TMPRSS5: variants seen among roughly 807,000 people sequenced by gnomAD.
The protein encoded by TMPRSS5 is transmembrane serine protease 5, also known as transmembrane protease serine 5.
Under a neutral mutation model 59.7 loss-of-function variants are expected in TMPRSS5, and 45 were observed. The ratio of observed to expected loss-of-function variants is 0.75; its 90% CI spans 0.59 to 0.97. The LOEUF (loss-of-function observed/expected upper bound fraction) is 0.97, where lower values mean the gene tolerates loss of function less well. Among genes scored for constraint, TMPRSS5 ranks in the 50% least tolerant of loss-of-function variants. The pLI is 0.00. For missense variants in TMPRSS5, 585 were observed against 596.7 expected, an observed-to-expected ratio of 0.98 and a Z score of 0.20; for synonymous variants, 225 against 232.0, an observed-to-expected ratio of 0.97 and a Z score of 0.27.
At chr11:113,699,723 T>C in intron 2 of TMPRSS5, 30 bp from the exon 3 acceptor site, 1 of 1,545,790 alleles carries the variant, frequency 6.5e-7, no homozygotes, top group Non-Finnish European at 8.8e-7. Context: ...GGTATCTGGG[T>C]CCCCTGCTCC....
Position 113,693,249 on chromosome 11 carries a change from A to G in TMPRSS5, c.786T>C (p.Ser262=), listed in dbSNP as rs1952836286. The change falls in exon 9 of 13, where the codon AGT becomes AGC. Residue 262 remains serine, a splice_region_variant and synonymous_variant. Transcript: ENST00000299882. ...WVVTAAHCMH[S]FRLARLSSWR... is the part of the protein sequence containing the mutation. ...AGCTGGACAGGCGGGCCAGCCTGAA[A>G]CTGCACACAGGGGCCATGCTGAGCG... is the stretch of plus-strand genomic sequence containing the variant. 1.9e-6 allele frequency: 3 copies of G among 1,558,618 alleles called. No individual in the cohort carries two copies. The highest frequency in any genetic ancestry group is 2.6e-6 in the Non-Finnish European group (3 of 1,150,604).
At chr11:113,695,309 A>C in intron 7 of TMPRSS5, 91 bp downstream of exon 7, 1 of 1,417,512 alleles carries the variant, frequency 7.1e-7, no homozygotes, top group Non-Finnish European at 9.9e-7. Context: ...CAGGCCCAGC[A>C]GAGTCTCACC....
chr11:113,695,023 C>G (rs1305503622), intron 7 of TMPRSS5, among the ~76,000 whole-genome samples: 1 of 151,912 alleles, frequency 6.6e-6, no homozygotes, highest in Non-Finnish European at 1.5e-5. Context: ...CCGTTTGGTA[C>G]CTGATTCACC....
chr11:113,689,775 T>C lies in TMPRSS5; in HGVS notation c.1349A>G (p.Asp450Gly). The C allele has an allele frequency of 6.2e-7, 1 of 1,610,570 alleles. No individual in the cohort carries two copies. The highest frequency in any genetic ancestry group is 8.5e-7 in the Non-Finnish European group (1 of 1,178,680). Residue 450 changes from aspartate (D) to glycine (G), a missense_variant, in exon 12 of 13, where the codon GAC becomes GGC. Asp to Gly is a moderately conservative substitution (Grantham distance 94). Coordinates refer to ENST00000299882, the MANE Select transcript of TMPRSS5 (RefSeq NM_030770.4). ...KVAEFLDWIH[D>G]TAQDSLL is the part of the protein sequence containing the mutation. ...TGCCCCCACACTCACCTGAGCAGTG[T>C]CATGGATCCAGTCCAGAAACTCAGC...
chr11:113,690,776 C>T (rs1952753884), intron 10 of TMPRSS5, 65 bp downstream of exon 10: 8 of 1,446,408 alleles, frequency 5.5e-6, no homozygotes, highest in Middle Eastern at 3.7e-4. Flanking sequence ...GTGGCCTTGC[C>T]TCACCCTGGG....
chr11:113,699,748 A>C, intron 2 of TMPRSS5, 55 bp from the exon 3 acceptor site: 2 of 1,522,564 alleles, frequency 1.3e-6, no homozygotes, highest in Admixed American at 3.9e-5. Flanking sequence ...AGCCTGCCTT[A>C]CTTCACCCTA....
intron 1 of TMPRSS5, among the ~76,000 whole-genome samples, chr11:113,701,956 C>T (rs990426826): frequency 1.3e-5 from 2 of 152,018 alleles, no homozygotes; most frequent in Non-Finnish European, 2.9e-5. Context: ...CTCCCCTTGT[C>T]CCCCACCCCC....
At chr11:113,695,146 G>T (rs1210546685) in intron 7 of TMPRSS5, among the ~76,000 whole-genome samples, 1 of 152,226 alleles carries the variant, frequency 6.6e-6, no homozygotes, top group African/African-American at 2.4e-5. Flanking sequence ...CCAAGGAAGA[G>T]AGTGGCAGGT....
intron 8 of TMPRSS5, 36 bp from the exon 9 acceptor site, chr11:113,693,285 G>A: frequency 2.0e-6 from 3 of 1,480,338 alleles, no homozygotes; most frequent in South Asian, 1.4e-5. Flanking sequence ...GGGAAGGAAG[G>A]GGCAGAAGAG....
At chr11:113,701,489 CG>C (rs57193385) in intron 1 of TMPRSS5, among the ~76,000 whole-genome samples, 37,155 of 145,574 alleles carry the variant, frequency 0.26, 5,082 homozygotes, top group East Asian at 0.43. Flanking sequence ...TTTTTTTTGG[CG>C]GGGGGGGGTG....
chr11:113,701,067 C>A (rs1953117218), intron 1 of TMPRSS5, among the ~76,000 whole-genome samples: 1 of 152,194 alleles, frequency 6.6e-6, no homozygotes, highest in Non-Finnish European at 1.5e-5. Flanking sequence ...GGCCTCCCAG[C>A]CATGAGGAAC....
chr11:113,697,512 G>A, intron 4 of TMPRSS5, 94 bp from the exon 5 acceptor site: 1 of 1,446,608 alleles, frequency 6.9e-7, no homozygotes, highest in Non-Finnish European at 9.4e-7. Flanking sequence ...TACTTGAAGA[G>A]GCCTTAATGA....
At chr11:113,688,496 C>A (rs1046135597) in intron 12 of TMPRSS5, among the ~76,000 whole-genome samples, 3 of 152,200 alleles carry the variant, frequency 2.0e-5, no homozygotes, top group Admixed American at 2.0e-4. Context: ...ACCCCCACCC[C>A]TGCCCAACCT....
At chr11:113,701,499 T>C (rs976853669) in intron 1 of TMPRSS5, among the ~76,000 whole-genome samples, 3 of 126,034 alleles carry the variant, frequency 2.4e-5, no homozygotes, top group African/African-American at 8.8e-5. Context: ...CGGGGGGGGG[T>C]GTTTTGTTCA....
At chr11:113,690,401 G>A (rs1170007142) in intron 10 of TMPRSS5, 28 bp from the exon 11 acceptor site, 2 of 1,594,930 alleles carry the variant, frequency 1.3e-6, no homozygotes, top group South Asian at 2.3e-5. Flanking sequence ...AAAAACTGCA[G>A]GGCACAAAGC....
At chr11:113,694,299 T>C in intron 8 of TMPRSS5, 179 bp downstream of exon 8, 1 of 465,130 alleles carries the variant, frequency 2.1e-6, no homozygotes, top group Non-Finnish European at 3.8e-6. Flanking sequence ...ATATTATTAC[T>C]GTTATTTGTG....
At chr11:113,690,175 T>TCCCCCCCCCCCCC in intron 11 of TMPRSS5, 56 bp downstream of exon 11, 4 of 159,578 alleles carry the variant, frequency 2.5e-5, no homozygotes, top group Non-Finnish European at 4.2e-5. Flanking sequence ...GCAGGCCCCC[T>TCCCCCCCCCCCCC]GCCCTCCCAC....
intron 1 of TMPRSS5, 112 bp downstream of exon 1, chr11:113,706,110 G>A: frequency 2.3e-6 from 3 of 1,321,676 alleles, no homozygotes; most frequent in Non-Finnish European, 3.2e-6. Context: ...CCCTGTACCA[G>A]AGCTGCCTCA....
chr11:113,693,032 AT>A, intron 9 of TMPRSS5, 38 bp downstream of exon 9: 1 of 1,002,916 alleles, frequency 1.0e-6, no homozygotes, highest in Admixed American at 2.2e-5. Flanking sequence ...CTCTCTCGCC[AT>A]AGTCTCCAGC....
Sources: gnomAD v4.1 joint callset for allele counts (sites outside exome capture counted in the v4.1 genomes callset) on GRCh38, gnomAD v4.1.1 for gene constraint, MANE v1.5 for transcripts, NCBI Gene and HGNC (gene_info 2026-07-23, HGNC 2026-07-21) for gene names.